ANKRD36: variants seen among roughly 807,000 people sequenced by gnomAD.
ANKRD36 encodes the protein ankyrin repeat domain 36, also known as ankyrin repeat domain-containing protein 36A.
Under a neutral mutation model 278.1 loss-of-function variants are expected in ANKRD36, and 179 were observed. The ratio of observed to expected loss-of-function variants is 0.64; its 90% confidence interval spans 0.57 to 0.73. The LOEUF (loss-of-function observed/expected upper bound fraction) is 0.73, where lower values mean the gene tolerates loss of function less well. Ranked by LOEUF, ANKRD36 falls within the 30% of genes least tolerant of loss-of-function variation. The pLI, the probability that ANKRD36 is intolerant of heterozygous loss-of-function variation, is 0.00. For synonymous variants in ANKRD36, 320 were observed against 641.1 expected (o/e 0.50, Z 7.57); for missense variants, 1,159 against 1,956.7 (o/e 0.59, Z 7.69).
At position 97,220,773 on chromosome 2, in the gene ANKRD36, T is replaced by TTTA. The variant is rs1352758805; in HGVS notation, c.3877+1527_3877+1528insTTA. The stretch of plus-strand genomic sequence containing the variant: ...AATTTTTAATTTTCTTTTTTTTTTT[T>TTTA]AATTTTTTTTTTTTTTATTATACTC... On this transcript the variant is annotated intron_variant, in intron 66 of 75. Transcript: ENST00000420699. Among the ~76,000 whole-genome samples the TTTA allele has an allele frequency of 2.2e-4, 24 of 111,140 alleles. No individual in the cohort carries two copies. The East Asian group carries it at 2.5e-3, about 12-fold the overall frequency. The allele number at this position is 111,140 out of a possible 152,430, so 72.9% of individuals were successfully genotyped here.
intron 40 of ANKRD36, among the ~76,000 whole-genome samples, chr2:97,195,283 G>C (rs1280022627): frequency 6.6e-6 from 1 of 151,964 alleles, no homozygotes; most frequent in Non-Finnish European, 1.5e-5. Flanking sequence ...GCTAAAAACA[G>C]ACAGAAAACT....
At chr2:97,151,336 G>T (rs2045916817) in intron 12 of ANKRD36, among the ~76,000 whole-genome samples, 1 of 151,756 alleles carries the variant, frequency 6.6e-6, no homozygotes, top group Non-Finnish European at 1.5e-5. Context: ...GTCTTTTTTG[G>T]AAGGAGCTGA....
intron 22 of ANKRD36, among the ~76,000 whole-genome samples, chr2:97,173,964 TAAAAA>T (rs956065719): frequency 6.8e-6 from 1 of 146,870 alleles, no homozygotes; most frequent in African/African-American, 2.5e-5. Context: ...AAACTAGATT[TAAAAA>T]AAAAAGGAAT....
chr2:97,227,140 T>A (rs7564803), intron 67 of ANKRD36, among the ~76,000 whole-genome samples: 1 of 151,920 alleles, frequency 6.6e-6, no homozygotes, highest in Admixed American at 6.6e-5. Context: ...AACTTTAAAG[T>A]AGTTTTTTCC....
chr2:97,158,033 T>G, intron 15 of ANKRD36, 74 bp from the exon 16 acceptor site: 1 of 1,240,888 alleles, frequency 8.1e-7, no homozygotes, highest in Non-Finnish European at 1.1e-6. Context: ...TTGTGTTAGA[T>G]CATGTAGTAA....
Position 97,206,062 on chromosome 2 carries a change from G to C in ANKRD36, c.3091-1G>C. On this transcript the variant is annotated splice_acceptor_variant, in intron 51 of 75. Transcript: ENST00000420699. LOFTEE classifies it high-confidence loss of function. Reference sequence around the variant, plus strand: ...ATTATTTTGTTTCAAATTCCATTCAGGCTACAAGTGATGAGGAAGATTCTG... The same window carrying C: ...ATTATTTTGTTTCAAATTCCATTCACGCTACAAGTGATGAGGAAGATTCTG... 6 of 1,550,544 alleles carry C rather than the reference G, an allele frequency of 3.9e-6. No individual in the cohort carries two copies. The highest frequency in any genetic ancestry group is 5.2e-6 in the Non-Finnish European group (6 of 1,149,278).
rs539875882 is a variant in ANKRD36 at position 97,113,433 on chromosome 2, C to T, written c.-307C>T. The T allele has an allele frequency of 2.0e-4, 86 of 438,498 alleles. 2 individuals carry two copies. The South Asian group carries it at 2.2e-3, about 11-fold the overall frequency. The allele number at this position is 438,498 out of a possible 1,614,324, so 27.2% of individuals were successfully genotyped here. A position where few individuals can be genotyped will look rare whatever the true frequency, so the allele number is the denominator to read the frequency against. On this transcript the variant is annotated 5_prime_UTR_variant, in exon 1 of 76. Coordinates refer to ENST00000420699, the MANE Select transcript of ANKRD36 (RefSeq NM_001354587.1). ...GTTAAACAGGCCCTGGGGCAGGGCG[C>T]GCCTCGCGCTCCAGGGAGCCCCGCC...
rs573397732 is a variant in ANKRD36 at position 97,200,593 on chromosome 2, C to T, written c.2857+68C>T. The stretch of plus-strand genomic sequence containing the variant: ...AAGAAGTTCTCTTCCCCGAATAAAT[C>T]AGTCGGGGGCTGGTTGAAGCTGCAC... On this transcript the variant is annotated intron_variant, in intron 46 of 75. Transcript: ENST00000420699. The T allele has an allele frequency of 1.7e-4, 259 of 1,530,986 alleles. 1 individual carries two copies. In the African/African-American group the frequency reaches 3.4e-3, roughly 20 times the overall value. The allele number at this position is 1,530,986 out of a possible 1,614,324, so 94.8% of individuals were successfully genotyped here.
intron 8 of ANKRD36, among the ~76,000 whole-genome samples, chr2:97,143,827 T>C (rs1227789380): frequency 2.0e-5 from 3 of 152,140 alleles, no homozygotes; most frequent in Non-Finnish European, 4.4e-5. Flanking sequence ...TTATACTTTT[T>C]GATGAGGTTT....
At chr2:97,170,590 A>G (rs1410676283) in intron 22 of ANKRD36, among the ~76,000 whole-genome samples, 1 of 151,994 alleles carries the variant, frequency 6.6e-6, no homozygotes, top group African/African-American at 2.4e-5. Flanking sequence ...ACCTAAAACC[A>G]TAAAAGCCCT....
intron 12 of ANKRD36, among the ~76,000 whole-genome samples, chr2:97,149,652 A>T (rs1042961270): frequency 1.3e-5 from 2 of 151,992 alleles, no homozygotes; most frequent in Non-Finnish European, 2.9e-5. Context: ...ACAGTAGAGG[A>T]TATACAAATT....
intron 48 of ANKRD36, among the ~76,000 whole-genome samples, chr2:97,202,786 C>T (rs961414301): frequency 4.0e-5 from 6 of 151,874 alleles, no homozygotes; most frequent in South Asian, 2.1e-4. Context: ...TGTAATAACC[C>T]GTACACACTG....
chr2:97,192,889 A>C lies in ANKRD36; in HGVS notation c.2376+3A>C. The C allele has an allele frequency of 6.2e-7, 1 of 1,603,906 alleles. No homozygotes were observed. Among genetic ancestry groups the C allele is most frequent in the Non-Finnish European group, 8.5e-7 (1 of 1,177,402 alleles). ...CTCAGAAACCACCAGCCTTGACGGT[A>C]ATGAAACACTCATTTATATTGTGAA... On this transcript the variant is annotated splice_donor_region_variant and intron_variant, in intron 37 of 75. Transcript: ENST00000420699.
intron 22 of ANKRD36, among the ~76,000 whole-genome samples, chr2:97,177,383 C>A (rs1408099446): frequency 1.3e-5 from 2 of 151,836 alleles, no homozygotes; most frequent in Non-Finnish European, 2.9e-5. Flanking sequence ...AATCCTAAGC[C>A]AAAAGAACAA....
rs2061794300 is a variant in ANKRD36, at chr2:97,202,901, G to T, written c.2959+508G>T. 2.6e-5 allele frequency among the ~76,000 whole-genome samples: 4 copies of T among 151,880 alleles called. No homozygotes were observed. The South Asian group carries it at 6.3e-4, about 24-fold the overall frequency. On this transcript the variant is annotated intron_variant, in intron 48 of 75. Transcript: ENST00000420699. ...AGGAAGTCATTTGTATAATTTTGGGGTTTCTGCTGAGGAAACCTGAGTGAA... is the reference window on the plus strand; with the variant it reads ...AGGAAGTCATTTGTATAATTTTGGGTTTTCTGCTGAGGAAACCTGAGTGAA...
chr2:97,196,136 G>T (rs1338525367), intron 40 of ANKRD36, among the ~76,000 whole-genome samples: 2 of 151,954 alleles, frequency 1.3e-5, no homozygotes, highest in Admixed American at 6.6e-5. Flanking sequence ...TCGCAATTGT[G>T]TGCCTTCTCA....
chr2:97,222,758 T>C (rs1412996424), intron 66 of ANKRD36, among the ~76,000 whole-genome samples: 2 of 152,118 alleles, frequency 1.3e-5, no homozygotes, highest in Non-Finnish European at 2.9e-5. Context: ...TTCCTCTTCA[T>C]TTGTGGTGGG....
In ANKRD36 at chr2:97,135,840, TTTTA is replaced by T. The variant is rs1412960196; in HGVS notation, c.800-6794_800-6791del. ...CCTTATGATGTGTATACATCTGGAA[TTTTA>T]TTTATGGACCATGGTTGACCATGGG... On this transcript the variant is annotated intron_variant, in intron 6 of 75. Coordinates refer to ENST00000420699, the MANE Select transcript of ANKRD36 (RefSeq NM_001354587.1). 5.1e-4 allele frequency among the ~76,000 whole-genome samples: 78 copies of T among 151,988 alleles called. 1 individual carries two copies. The highest frequency in any genetic ancestry group is 6.6e-4 in the Admixed American group (10 of 15,200).
At chr2:97,203,894 T>TC (rs1199270966) in intron 48 of ANKRD36, among the ~76,000 whole-genome samples, 174 bp from the exon 49 acceptor site, 2 of 151,850 alleles carry the variant, frequency 1.3e-5, no homozygotes, top group Admixed American at 6.6e-5. Flanking sequence ...GAGCCTGTAT[T>TC]GCTTTTCTCA....
Sources: gnomAD v4.1 joint callset for allele counts (sites outside exome capture counted in the v4.1 genomes callset) on GRCh38, gnomAD v4.1.1 for gene constraint, MANE v1.5 for transcripts, NCBI Gene and HGNC (gene_info 2026-07-23, HGNC 2026-07-21) for gene names.